The following GPATCH2L variants were observed in gnomAD, a reference collection of about 807,000 sequenced individuals.
The protein encoded by GPATCH2L is G patch domain-containing protein 2-like.
In GPATCH2L, 31 loss-of-function variants were observed where a neutral mutation model predicts 57.4. The ratio of observed to expected loss-of-function variants is 0.54; its 90% confidence interval spans 0.41 to 0.73. The LOEUF (loss-of-function observed/expected upper bound fraction) is 0.73, where lower values mean the gene tolerates loss of function less well. Among genes scored for constraint, GPATCH2L ranks in the 30% least tolerant of loss-of-function variants. GPATCH2L has a pLI of 0.00. For missense variants in GPATCH2L, 481 were observed against 599.9 expected, an observed-to-expected ratio of 0.80 and a Z score of 2.07; for synonymous variants, 199 against 210.7, an observed-to-expected ratio of 0.94 and a Z score of 0.48.
chr14:76,219,032 T>C (rs2040502158), downstream of GPATCH2L, among the ~76,000 whole-genome samples: 1 of 148,748 alleles, frequency 6.7e-6, no homozygotes, highest in Non-Finnish European at 1.5e-5. Flanking sequence ...AGGAAAGTTA[T>C]TTTATAACCT....
chr14:76,231,380 T>C (rs1178725788), intron 2 of GPATCH2L, among the ~76,000 whole-genome samples: 3 of 152,124 alleles, frequency 2.0e-5, no homozygotes, highest in African/African-American at 7.2e-5. Flanking sequence ...TCTCTGTAGG[T>C]CCTCACTTTG....
intron 3 of GPATCH2L, among the ~76,000 whole-genome samples, chr14:76,170,065 G>A (rs1028814889): frequency 3.9e-5 from 6 of 152,210 alleles, no homozygotes; most frequent in Non-Finnish European, 8.8e-5. Flanking sequence ...TACTGTAAGA[G>A]AGACAGCTGT....
At chr14:76,183,052 C>T (rs2039635152) in intron 8 of GPATCH2L, among the ~76,000 whole-genome samples, 1 of 152,226 alleles carries the variant, frequency 6.6e-6, no homozygotes. Flanking sequence ...CCTCTCTTTA[C>T]CTCTGCTACC....
intron 1 of GPATCH2L, among the ~76,000 whole-genome samples, chr14:76,224,504 A>G (rs939523886): frequency 1.3e-5 from 2 of 152,208 alleles, no homozygotes; most frequent in South Asian, 4.1e-4. Flanking sequence ...ATACTTATTC[A>G]TAGTGAACAC....
At chr14:76,220,061 A>C (rs1004797820) in intron 1 of GPATCH2L, among the ~76,000 whole-genome samples, 4 of 152,130 alleles carry the variant, frequency 2.6e-5, no homozygotes, top group Admixed American at 2.0e-4. Flanking sequence ...TCAGGGTTTG[A>C]CACAAGTGAC....
At chr14:76,191,380 A>G (rs2039957944) in intron 8 of GPATCH2L, among the ~76,000 whole-genome samples, 1 of 152,124 alleles carries the variant, frequency 6.6e-6, no homozygotes. Flanking sequence ...GATGAACAAA[A>G]AACTGGAACT....
intron 1 of GPATCH2L, among the ~76,000 whole-genome samples, chr14:76,219,767 C>T (rs1319406547): frequency 1.3e-5 from 2 of 152,122 alleles, no homozygotes; most frequent in South Asian, 2.1e-4. Context: ...TTATACAAGT[C>T]GTTCTGAAAG....
chr14:76,223,496 C>T (rs1230659616), intron 1 of GPATCH2L, among the ~76,000 whole-genome samples: 2 of 152,118 alleles, frequency 1.3e-5, no homozygotes, highest in Non-Finnish European at 2.9e-5. Flanking sequence ...AAAACAAATG[C>T]ATAAATCTTC....
intron 5 of GPATCH2L, 96 bp downstream of exon 5, chr14:76,173,721 C>T: frequency 1.2e-6 from 1 of 817,626 alleles, no homozygotes; most frequent in Non-Finnish European, 2.2e-6. Context: ...TACAGAACTC[C>T]CTGAAGTTAA....
intron 1 of GPATCH2L, among the ~76,000 whole-genome samples, chr14:76,219,459 G>A (rs2040504287): frequency 6.6e-6 from 1 of 152,116 alleles, no homozygotes; most frequent in Admixed American, 6.5e-5. Context: ...GTATAAACTA[G>A]TGCCAAGTAT....
intron 8 of GPATCH2L, among the ~76,000 whole-genome samples, chr14:76,190,979 A>G (rs2039942207): frequency 6.6e-6 from 1 of 152,166 alleles, no homozygotes; most frequent in African/African-American, 2.4e-5. Context: ...TTGAAAGATC[A>G]CTTCCCTTAA....
At chr14:76,164,879 A>G (rs1317249404) in intron 2 of GPATCH2L, among the ~76,000 whole-genome samples, 1 of 152,228 alleles carries the variant, frequency 6.6e-6, no homozygotes, top group Admixed American at 6.5e-5. Context: ...AGTAGATGCC[A>G]TGTCCAATCA....
rs1370302764 is a variant in GPATCH2L at position 76,154,997 on chromosome 14, CAG to C, written c.635_636del (p.Gln212ArgfsTer3). On this transcript the variant is annotated frameshift_variant, in exon 2 of 10. Transcript: ENST00000261530. LOFTEE classifies it high-confidence loss of function. This position sits in a 1 kb window ranked among gnomAD's most constrained non-coding sequence, Gnocchi z 4.4. The part of the protein sequence containing the change: ...RMECETDEQK[Q>X]GSDENMSECE... The stretch of plus-strand genomic sequence containing the variant: ...GGAGTGTGAAACAGATGAACAAAAA[CAG>C]GGCTCTGATGAGAACATGTCAGAAT... 1 of 1,612,868 alleles carries C rather than the reference CAG, an allele frequency of 6.2e-7. No individual in the cohort carries two copies. The highest frequency in any genetic ancestry group is 2.2e-5 in the East Asian group (1 of 44,900).
downstream of GPATCH2L, among the ~76,000 whole-genome samples, chr14:76,219,280 A>C (rs1204023565): frequency 1.3e-5 from 2 of 152,170 alleles, no homozygotes; most frequent in African/African-American, 4.8e-5. Flanking sequence ...TCCAGTATAA[A>C]AATGGGCAAA....
chr14:76,229,251 C>T (rs953076726), intron 1 of GPATCH2L, among the ~76,000 whole-genome samples: 16 of 152,248 alleles, frequency 1.1e-4, no homozygotes, highest in African/African-American at 3.9e-4. Context: ...GATATTCCCT[C>T]ATATGCTACA....
intron 2 of GPATCH2L, among the ~76,000 whole-genome samples, chr14:76,155,949 G>A (rs2038288202): frequency 6.6e-6 from 1 of 152,148 alleles, no homozygotes; most frequent in Non-Finnish European, 1.5e-5. Context: ...TTGAGAACCA[G>A]TGTATTCTAT....
intron 2 of GPATCH2L, among the ~76,000 whole-genome samples, chr14:76,159,084 T>C (rs775107595): frequency 6.6e-6 from 1 of 152,226 alleles, no homozygotes; most frequent in African/African-American, 2.4e-5. Context: ...TAATGCGTAA[T>C]AACTTCTAGA....
chr14:76,229,569 C>T (rs914685175), intron 1 of GPATCH2L, among the ~76,000 whole-genome samples: 6 of 152,158 alleles, frequency 3.9e-5, no homozygotes, highest in African/African-American at 1.4e-4. Flanking sequence ...AGCAGAGGCT[C>T]GTTCTCCCGA....
intron 2 of GPATCH2L, among the ~76,000 whole-genome samples, chr14:76,158,782 A>G (rs897746608): frequency 6.6e-6 from 1 of 152,232 alleles, no homozygotes; most frequent in African/African-American, 2.4e-5. Flanking sequence ...TAGCTAGCAT[A>G]GTGTGCTTAT....
Sources: allele counts gnomAD v4.1 joint callset (sites outside exome capture counted in the v4.1 genomes callset), GRCh38; gene constraint gnomAD v4.1.1; non-coding constraint Gnocchi (gnomAD v3.1); transcripts MANE v1.5; gene names NCBI Gene and HGNC (gene_info 2026-07-23, HGNC 2026-07-21).